Variants in NPY2R observed in about 807,000 individuals in gnomAD.
NPY2R encodes neuropeptide Y receptor type 2.
NPY2R carries 17 observed loss-of-function variants against 22.3 expected under a neutral mutation model. The observed-to-expected ratio is 0.76, with a 90% CI of 0.52 to 1.14. The LOEUF (loss-of-function observed/expected upper bound fraction) is 1.14. Among genes scored for constraint, NPY2R ranks in the 50% most tolerant of loss-of-function variants. The pLI is 0.00. For synonymous variants in NPY2R, 209 were observed against 183.4 expected, an observed-to-expected ratio of 1.14 and a Z score of -1.13; for missense variants, 424 against 467.9, an observed-to-expected ratio of 0.91 and a Z score of 0.87.
the NPY2R span, among the ~76,000 whole-genome samples, chr4:155,197,455 G>A: frequency 6.6e-6 from 1 of 151,606 alleles, no homozygotes; most frequent in African/African-American, 2.4e-5. Flanking sequence ...TTTCCTGCCT[G>A]CTTTCCTTCC....
chr4:155,207,556 A>T (rs1362570702), upstream of NPY2R: 1 of 152,264 alleles, frequency 6.6e-6, no homozygotes, highest in African/African-American at 2.4e-5. Flanking sequence ...GGAAAGAGAG[A>T]CTGGCTGCAA....
At chr4:155,194,116 A>G in the NPY2R span, among the ~76,000 whole-genome samples, 1 of 150,234 alleles carries the variant, frequency 6.7e-6, no homozygotes, top group Admixed American at 6.6e-5. Flanking sequence ...TGTCAACTGT[A>G]TCTCGACAAA....
chr4:155,194,652 T>A, the NPY2R span, among the ~76,000 whole-genome samples: 8 of 151,954 alleles, frequency 5.3e-5, no homozygotes, highest in Non-Finnish European at 1.5e-5. Flanking sequence ...CTGATGGGCA[T>A]CTTGGTTGAT....
At chr4:155,180,518 A>C in the NPY2R span, among the ~76,000 whole-genome samples, 1 of 152,072 alleles carries the variant, frequency 6.6e-6, no homozygotes. Flanking sequence ...TGACAAGATA[A>C]TTTTTACCAA....
At chr4:155,179,416 A>G in the NPY2R span, among the ~76,000 whole-genome samples, 64,325 of 151,770 alleles carry the variant, frequency 0.42, 14,038 homozygotes, top group East Asian at 0.7. Context: ...TACTTGAGGG[A>G]CAGTTTGATT....
the NPY2R span, among the ~76,000 whole-genome samples, chr4:155,184,108 T>C: frequency 6.6e-6 from 1 of 152,208 alleles, no homozygotes; most frequent in African/African-American, 2.4e-5. Flanking sequence ...TTCCATTTTA[T>C]TCAAGGCTTA....
the NPY2R span, among the ~76,000 whole-genome samples, chr4:155,178,488 A>T: frequency 6.6e-6 from 1 of 152,212 alleles, no homozygotes; most frequent in African/African-American, 2.4e-5. Flanking sequence ...GTAAATTTTT[A>T]TATAAATGTC....
chr4:155,174,928 C>A, the NPY2R span, among the ~76,000 whole-genome samples: 1 of 151,924 alleles, frequency 6.6e-6, no homozygotes, highest in Non-Finnish European at 1.5e-5. Flanking sequence ...GATGTAAAAT[C>A]GCATTTAATA....
Position 155,214,954 on chromosome 4 carries a change from G to C in NPY2R, c.1015G>C (p.Ala339Pro). 6.2e-7 allele frequency: 1 copy of C among 1,614,198 alleles called. No homozygotes were observed. The highest frequency in any genetic ancestry group is 8.5e-7 in the Non-Finnish European group (1 of 1,180,030). Residue 339 changes from alanine to proline, a missense_variant, in exon 2 of 2, where the codon GCC becomes CCC. Ala to Pro is a conservative substitution (Grantham distance 27). Transcript: ENST00000329476. Reference protein sequence around the residue: ...NSNYRKAFLSAFRCEQRLDAI... With the variant: ...NSNYRKAFLSPFRCEQRLDAI... ...CAACTACAGAAAGGCTTTCCTCTCG[G>C]CCTTCCGCTGTGAGCAGCGGTTGGA...
chr4:155,204,240 G>A (rs146486112), upstream of NPY2R, among the ~76,000 whole-genome samples: 1 of 151,454 alleles, frequency 6.6e-6, no homozygotes, highest in East Asian at 1.9e-4. Flanking sequence ...TTCTGGCAGA[G>A]TGAAAACAGG....
the NPY2R span, among the ~76,000 whole-genome samples, chr4:155,185,369 A>G: frequency 2.0e-5 from 3 of 152,088 alleles, no homozygotes; most frequent in African/African-American, 7.2e-5. Context: ...TTCCTTCAAT[A>G]TTTCCTCTAA....
At chr4:155,177,220 G>T in the NPY2R span, among the ~76,000 whole-genome samples, 1 of 152,250 alleles carries the variant, frequency 6.6e-6, no homozygotes, top group Admixed American at 6.5e-5. Context: ...TCAGAGATAG[G>T]TTAGACTCAA....
At chr4:155,204,979 C>T (rs2111026802), upstream of NPY2R, among the ~76,000 whole-genome samples, 1 of 152,164 alleles carries the variant, frequency 6.6e-6, no homozygotes, top group South Asian at 2.1e-4. Context: ...AAAAATGGAC[C>T]TTCTGTAAAG....
upstream of NPY2R, chr4:155,208,116 G>C (rs1235853876): frequency 6.6e-6 from 1 of 152,350 alleles, no homozygotes; most frequent in South Asian, 2.1e-4. This position sits in a 1 kb window ranked among gnomAD's most constrained non-coding sequence, Gnocchi z 5.6. Context: ...ATTTGTTCTC[G>C]GTGCAATCCT....
At chr4:155,177,718 C>A in the NPY2R span, among the ~76,000 whole-genome samples, 1 of 152,110 alleles carries the variant, frequency 6.6e-6, no homozygotes, top group Non-Finnish European at 1.5e-5. Flanking sequence ...TAGGTGAAGG[C>A]AGTCATACCT....
At chr4:155,197,114 A>G in the NPY2R span, among the ~76,000 whole-genome samples, 1 of 151,970 alleles carries the variant, frequency 6.6e-6, no homozygotes, top group Admixed American at 6.6e-5. Flanking sequence ...AAATATAGTT[A>G]ACTTTTGTAT....
At chr4:155,212,707 A>G (rs1035875198) in intron 1 of NPY2R, among the ~76,000 whole-genome samples, 8 of 152,238 alleles carry the variant, frequency 5.3e-5, no homozygotes, top group African/African-American at 1.7e-4. Flanking sequence ...ATTAAGAAGA[A>G]TAAAACCAAT....
the NPY2R span, among the ~76,000 whole-genome samples, chr4:155,174,666 T>C: frequency 2.0e-5 from 3 of 151,714 alleles, no homozygotes; most frequent in African/African-American, 7.3e-5. Context: ...AGATAGTTCT[T>C]TTCCATCCCT....
Position 155,216,590 on chromosome 4 carries a change from G to T in NPY2R, c.*1505G>T, listed in dbSNP as rs2111050770. Reference sequence around the variant, plus strand: ...ATGAACTGGAGAGCTTTACTTTGTGGATATATTTAAAATTCATATTATAGC... The same window carrying T: ...ATGAACTGGAGAGCTTTACTTTGTGTATATATTTAAAATTCATATTATAGC... On this transcript the variant is annotated 3_prime_UTR_variant, in exon 2 of 2. Coordinates refer to ENST00000329476, the MANE Select transcript of NPY2R (RefSeq NM_000910.4). 1 of 166,826 alleles carries T rather than the reference G, an allele frequency of 6.0e-6. No homozygotes were observed. The highest frequency in any genetic ancestry group is 1.9e-4 in the East Asian group (1 of 5,188). The allele number at this position is 166,826 out of a possible 1,614,324, so 10.3% of individuals were successfully genotyped here. A position where few individuals can be genotyped will look rare whatever the true frequency, so the allele number is the denominator to read the frequency against.
Sources: allele counts gnomAD v4.1 joint callset (sites outside exome capture counted in the v4.1 genomes callset), GRCh38; gene constraint gnomAD v4.1.1; non-coding constraint Gnocchi (gnomAD v3.1); transcripts MANE v1.5; gene names NCBI Gene and HGNC (gene_info 2026-07-23, HGNC 2026-07-21).